Variants in JAK2 observed in about 807,000 individuals in gnomAD.
The protein encoded by JAK2 is tyrosine-protein kinase JAK2.
A neutral mutation model predicts 139.3 loss-of-function variants in JAK2; 86 were observed. The ratio of observed to expected loss-of-function variants is 0.62; its 90% confidence interval spans 0.52 to 0.74. The LOEUF is 0.74. Ranked by LOEUF, JAK2 falls within the 30% of genes least tolerant of loss-of-function variation. The pLI is 0.00. For synonymous variants in JAK2, 490 were observed against 437.7 expected (o/e 1.12, Z -1.49); for missense variants, 1,421 against 1,360.3 (o/e 1.04, Z -0.70).
At chr9:4,987,908 G>C (rs569698746) in intron 2 of JAK2, among the ~76,000 whole-genome samples, 20 of 152,290 alleles carry the variant, frequency 1.3e-4, no homozygotes, top group Non-Finnish European at 2.8e-4. Context: ...AGGAGATTCA[G>C]AGAAGGGCAG....
At chr9:5,028,023 A>G (rs761156934) in intron 3 of JAK2, among the ~76,000 whole-genome samples, 37 of 152,266 alleles carry the variant, frequency 2.4e-4, no homozygotes, top group Admixed American at 4.6e-4. Flanking sequence ...ATGAACTACA[A>G]ATGTTTTTCA....
chr9:5,003,024 C>G (rs1821021002), intron 2 of JAK2, among the ~76,000 whole-genome samples: 1 of 151,974 alleles, frequency 6.6e-6, no homozygotes, highest in Non-Finnish European at 1.5e-5. Context: ...AATGGCACAT[C>G]TGTTCCAAAT....
At chr9:5,099,734 C>T (rs959918903) in intron 22 of JAK2, 6 of 152,122 alleles carry the variant, frequency 3.9e-5, no homozygotes, top group African/African-American at 1.4e-4. Flanking sequence ...ATAATAATTA[C>T]CCATAACATT....
intron 2 of JAK2, among the ~76,000 whole-genome samples, chr9:5,011,610 C>T: frequency 6.6e-6 from 1 of 152,086 alleles, no homozygotes; most frequent in East Asian, 1.9e-4. Flanking sequence ...AAAATAAATT[C>T]TAATATTTGG....
At chr9:5,055,561 C>T (rs1586712878) in intron 7 of JAK2, 108 bp from the exon 8 acceptor site, 7 of 837,332 alleles carry the variant, frequency 8.4e-6, no homozygotes, top group Non-Finnish European at 1.3e-5. Flanking sequence ...GTTATCAATA[C>T]CTTTTTTATT....
chr9:5,054,927 A>G lies in JAK2; in HGVS notation c.936+43A>G, dbSNP rs775490358. 1.1e-5 allele frequency: 15 copies of G among 1,372,808 alleles called. No homozygotes were observed. The highest frequency in any genetic ancestry group is 2.3e-5 in the Admixed American group (1 of 44,034). The allele number at this position is 1,372,808 out of a possible 1,614,324, so 85.0% of individuals were successfully genotyped here. On this transcript the variant is annotated intron_variant, in intron 7 of 24. Transcript: ENST00000381652. This position sits in a 1 kb window ranked among gnomAD's most constrained non-coding sequence, Gnocchi z 4.9. ...GTTCTTGTTCTTTGTTATTTTAAGTACAATGGAAATAAAAACAAAGTAATT... is the reference window on the plus strand; with the variant it reads ...GTTCTTGTTCTTTGTTATTTTAAGTGCAATGGAAATAAAAACAAAGTAATT...
At chr9:5,122,910 G>T (rs1218943756) in intron 22 of JAK2, 94 bp from the exon 23 acceptor site, 1 of 640,480 alleles carries the variant, frequency 1.6e-6, no homozygotes, top group Non-Finnish European at 2.5e-6. Flanking sequence ...TTCTCTACAT[G>T]TTTTTTTTTT....
chr9:5,036,384 T>C (rs1325297556), intron 4 of JAK2, among the ~76,000 whole-genome samples: 4 of 152,078 alleles, frequency 2.6e-5, no homozygotes, highest in Non-Finnish European at 5.9e-5. Flanking sequence ...TACTTTAAAG[T>C]TCATATGGAA....
chr9:5,085,471 A>C, intron 19 of JAK2: 1 of 726,606 alleles, frequency 1.4e-6, no homozygotes. Context: ...GTATTGTGCA[A>C]ATCTCTCATG....
rs1213233634 is a variant in JAK2 at position 5,089,703 on chromosome 9, G to A, written c.2601G>A (p.Arg867=). Residue 867 remains arginine (R), a synonymous_variant, in exon 20 of 25, where the codon CGG becomes CGA. Coordinates refer to ENST00000381652, the MANE Select transcript of JAK2 (RefSeq NM_004972.4). ...ATTTTGGGAGTGTGGAGATGTGCCG[G>A]TATGACCCTCTACAGGACAACACTG... ...KGNFGSVEMC[R]YDPLQDNTGE... is the part of the protein sequence containing the mutation. The A allele has an allele frequency of 1.3e-6, 2 of 1,486,848 alleles. No homozygotes were observed. The highest frequency in any genetic ancestry group is 1.8e-6 in the Non-Finnish European group (2 of 1,115,270). 92.1% of individuals were successfully genotyped at this position (1,486,848 alleles called of 1,614,324 possible).
chr9:5,031,642 G>A (rs953608106), intron 4 of JAK2, among the ~76,000 whole-genome samples: 1 of 152,334 alleles, frequency 6.6e-6, no homozygotes, highest in Admixed American at 6.5e-5. Flanking sequence ...AATTGGAACT[G>A]AATTCAAGTC....
rs1035628269 is a variant in JAK2, at chr9:5,119,050, C to T, written c.3060-3954C>T. Among the ~76,000 whole-genome samples the T allele has an allele frequency of 3.3e-5, 5 of 152,200 alleles. No individual in the cohort carries two copies. The South Asian group carries it at 1.0e-3, about 32-fold the overall frequency. ...TTGAAAAAACAGACTATTATTAATA[C>T]ATTATTATTAACATATTTTATCATG... On this transcript the variant is annotated intron_variant, in intron 22 of 24. Transcript: ENST00000381652.
chr9:5,073,550 T>C (rs1819114224), intron 13 of JAK2, 148 bp from the exon 14 acceptor site: 3 of 642,166 alleles, frequency 4.7e-6, no homozygotes, highest in Non-Finnish European at 5.5e-6. Context: ...TGCAGGTCCA[T>C]ATAAAGGGAC....
At chr9:5,080,942 C>T (rs1399739967) in intron 18 of JAK2, among the ~76,000 whole-genome samples, 4 of 128,016 alleles carry the variant, frequency 3.1e-5, no homozygotes, top group Admixed American at 9.4e-5. Context: ...GTCGCCCAGG[C>T]TGGAGTGCAG....
chr9:5,092,191 C>T (rs372599980), intron 22 of JAK2, among the ~76,000 whole-genome samples: 3 of 152,140 alleles, frequency 2.0e-5, no homozygotes, highest in South Asian at 2.1e-4. Context: ...GAAAATCTCA[C>T]GACAACCTTT....
At chr9:5,121,851 T>A (rs1823638178) in intron 22 of JAK2, among the ~76,000 whole-genome samples, 1 of 152,138 alleles carries the variant, frequency 6.6e-6, no homozygotes, top group South Asian at 2.1e-4. Context: ...TGCGGGAAAT[T>A]ACAATGAGTG....
chr9:4,997,224 C>T (rs7863828), intron 2 of JAK2, among the ~76,000 whole-genome samples: 46,313 of 151,860 alleles, frequency 0.3, 7,356 homozygotes, highest in Middle Eastern at 0.38. Context: ...GGAGCCACCG[C>T]GCATGGCCTG....
chr9:4,996,865 C>T (rs989812976), intron 2 of JAK2, among the ~76,000 whole-genome samples: 10 of 151,186 alleles, frequency 6.6e-5, no homozygotes, highest in Non-Finnish European at 1.2e-4. Context: ...GTAAAAGTAA[C>T]ACTGTATTAG....
intron 2 of JAK2, among the ~76,000 whole-genome samples, chr9:5,004,354 T>A (rs1821132933): frequency 6.6e-6 from 1 of 152,214 alleles, no homozygotes; most frequent in Non-Finnish European, 1.5e-5. Flanking sequence ...TTCTACTTTT[T>A]TAGATTCTAT....
Sources: allele counts gnomAD v4.1 joint callset (sites outside exome capture counted in the v4.1 genomes callset), GRCh38; gene constraint gnomAD v4.1.1; non-coding constraint Gnocchi (gnomAD v3.1); transcripts MANE v1.5; gene names NCBI Gene and HGNC (gene_info 2026-07-23, HGNC 2026-07-21).